Variants in MICAL3 observed in about 807,000 individuals in gnomAD.
MICAL3 encodes the protein [F-actin]-monooxygenase MICAL3.
MICAL3 carries 62 observed loss-of-function variants against 207.4 expected under a neutral mutation model. The observed-to-expected ratio is 0.30, with a 90% confidence interval of 0.24 to 0.37. MICAL3 has a LOEUF of 0.37. Among genes scored for constraint, MICAL3 ranks in the 10% least tolerant of loss-of-function variants. The pLI is 1.00. For missense variants in MICAL3, 2,368 were observed against 2,635.6 expected, an observed-to-expected ratio of 0.90 and a Z score of 2.22; for synonymous variants, 1,077 against 1,069.3, an observed-to-expected ratio of 1.01 and a Z score of -0.14.
chr22:17,826,448 G>A (rs529293927), intron 22 of MICAL3: 17 of 985,678 alleles, frequency 1.7e-5, no homozygotes, highest in Non-Finnish European at 2.0e-5. Context: ...AACATCACCA[G>A]ACTACCTCCG....
chr22:17,886,804 C>CAA (rs55867197), intron 15 of MICAL3, among the ~76,000 whole-genome samples: 8 of 96,712 alleles, frequency 8.3e-5, no homozygotes, highest in African/African-American at 1.1e-4. Flanking sequence ...GACTCTGTCT[C>CAA]AAAAAAAAAA....
Position 17,963,753 on chromosome 22 carries a change from C to A in MICAL3, c.-74-56867G>T, listed in dbSNP as rs374740183. The stretch of plus-strand genomic sequence containing the variant: ...CATGCTGATCCAGCCAGGAGGGTCG[C>A]TTCTGTGTCTCCTCCTACTCCACAC... On this transcript the variant is annotated intron_variant, in intron 1 of 31. Transcript: ENST00000441493. 2.1e-4 allele frequency among the ~76,000 whole-genome samples: 32 copies of A among 152,318 alleles called. No individual in the cohort carries two copies. The East Asian group carries it at 3.9e-3, about 18-fold the overall frequency.
chr22:17,933,559 GA>G (rs1268472014), intron 1 of MICAL3, among the ~76,000 whole-genome samples: 2 of 152,140 alleles, frequency 1.3e-5, no homozygotes, highest in Non-Finnish European at 1.5e-5. Flanking sequence ...ACAATTAAAA[GA>G]ACTAGAGAAG....
At chr22:18,010,797 A>C (rs532251117) in intron 1 of MICAL3, among the ~76,000 whole-genome samples, 1 of 152,172 alleles carries the variant, frequency 6.6e-6, no homozygotes, top group East Asian at 1.9e-4. Flanking sequence ...AGGTGAATAG[A>C]GGGATGGGTG....
At chr22:17,791,368 C>T (rs916759507) in intron 29 of MICAL3, 67 bp from the exon 30 acceptor site, 12 of 1,359,248 alleles carry the variant, frequency 8.8e-6, no homozygotes, top group South Asian at 3.7e-5. Context: ...AGGAATCACA[C>T]GGGGCAAATG....
chr22:17,921,618 A>G (rs1043815242), intron 1 of MICAL3, among the ~76,000 whole-genome samples: 1 of 152,096 alleles, frequency 6.6e-6, no homozygotes, highest in South Asian at 2.1e-4. Flanking sequence ...CCTCCCTAGT[A>G]GCTGGGATTA....
At chr22:17,844,251 AT>A (rs1483328937) in intron 19 of MICAL3, among the ~76,000 whole-genome samples, 2 of 152,202 alleles carry the variant, frequency 1.3e-5, no homozygotes, top group Admixed American at 6.5e-5. Flanking sequence ...TTCCTGCAAC[AT>A]TCTAAGCTCT....
At chr22:17,807,951 G>A (rs1601940416) in intron 29 of MICAL3, among the ~76,000 whole-genome samples, 1 of 152,258 alleles carries the variant, frequency 6.6e-6, no homozygotes, top group Non-Finnish European at 1.5e-5. Flanking sequence ...AGGCTATAAA[G>A]AGACGGAAGT....
chr22:17,814,405 G>T (rs2062080479), intron 27 of MICAL3: 1 of 152,166 alleles, frequency 6.6e-6, no homozygotes, highest in Non-Finnish European at 1.5e-5. Flanking sequence ...TAACAACTCA[G>T]ACATTTTCCT....
intron 1 of MICAL3, among the ~76,000 whole-genome samples, chr22:17,929,975 C>T (rs955952717): frequency 3.3e-5 from 5 of 152,098 alleles, no homozygotes; most frequent in South Asian, 2.1e-4. Context: ...TAAACCAATA[C>T]GGAAAAAAAC....
At chr22:17,870,556 T>C (rs897733138) in intron 17 of MICAL3, among the ~76,000 whole-genome samples, 18 of 152,170 alleles carry the variant, frequency 1.2e-4, no homozygotes, top group Non-Finnish European at 2.2e-4. Context: ...AGCTGCACCT[T>C]GCGACATCTT....
rs575661396 is a variant in MICAL3, at chr22:17,934,586, C to T, written c.-74-27700G>A. 2.8e-4 allele frequency among the ~76,000 whole-genome samples: 42 copies of T among 151,994 alleles called. 1 individual carries two copies. In the South Asian group the frequency reaches 8.8e-3, roughly 32 times the overall value. On this transcript the variant is annotated intron_variant, in intron 1 of 31. Coordinates refer to ENST00000441493, the MANE Select transcript of MICAL3 (RefSeq NM_015241.3). ...CCTCTCTCACCACTCCTATTCAACACAGTGTTGGAAGTTCTGGACAGGGCA... is the reference window on the plus strand; with the variant it reads ...CCTCTCTCACCACTCCTATTCAACATAGTGTTGGAAGTTCTGGACAGGGCA...
Position 17,872,721 on chromosome 22 carries a change from A to C in MICAL3, c.2242-698T>G. ...TCCCATGGCTGTGCTGGGTCTAGCTACACAGTGCCTGGAGGCGTCTCTTAC... is the reference window on the plus strand; with the variant it reads ...TCCCATGGCTGTGCTGGGTCTAGCTCCACAGTGCCTGGAGGCGTCTCTTAC... On this transcript the variant is annotated intron_variant, in intron 16 of 31. Transcript: ENST00000441493. The C allele has an allele frequency of 2.1e-6, 3 of 1,400,204 alleles. No individual in the cohort carries two copies. In the South Asian group the frequency reaches 3.5e-5, roughly 16 times the overall value. The allele number at this position is 1,400,204 out of a possible 1,614,324, so 86.7% of individuals were successfully genotyped here. A position where few individuals can be genotyped will look rare whatever the true frequency, so the allele number is the denominator to read the frequency against.
At chr22:17,996,534 G>A (rs1922297942) in intron 1 of MICAL3, among the ~76,000 whole-genome samples, 1 of 151,904 alleles carries the variant, frequency 6.6e-6, no homozygotes, top group Non-Finnish European at 1.5e-5. Context: ...TTTATAGCTA[G>A]AGATGACTAA....
chr22:17,893,831 G>T lies in MICAL3; in HGVS notation c.1523C>A (p.Thr508Asn), dbSNP rs995567850. 2 of 1,576,982 alleles carry T rather than the reference G, an allele frequency of 1.3e-6. No individual in the cohort carries two copies. Among genetic ancestry groups the T allele is most frequent in the Non-Finnish European group, 1.7e-6 (2 of 1,159,980 alleles). ...LEMESLVNSR[T>N]TPKLTRNESV... ...ACCATTGCGAGTCAATTTGGGGGTG[G>T]TTCGGGAATTCACCAGGCTCTCCAT... The change falls in exon 11 of 32, where the codon ACC (threonine) becomes AAC (asparagine). Residue 508 changes from threonine to asparagine, a missense_variant. Transcript: ENST00000441493.
At chr22:17,843,490 T>C (rs1405627351) in intron 19 of MICAL3, among the ~76,000 whole-genome samples, 1 of 151,986 alleles carries the variant, frequency 6.6e-6, no homozygotes, top group Non-Finnish European at 1.5e-5. Context: ...GGCTGAAGGG[T>C]CTTAGAAAAT....
At chr22:17,881,433 T>TCAGAGGGCAGCC (rs1168418179) in intron 16 of MICAL3, 2 of 710,394 alleles carry the variant, frequency 2.8e-6, no homozygotes, top group African/African-American at 1.8e-5. Flanking sequence ...CCCTCCATCC[T>TCAGAGGGCAGCC]CAGAGGGCAG....
chr22:17,852,631 T>C (rs1053181060), intron 19 of MICAL3, among the ~76,000 whole-genome samples: 1 of 152,196 alleles, frequency 6.6e-6, no homozygotes, highest in Non-Finnish European at 1.5e-5. Context: ...GGTACCCTCC[T>C]TTCCTCCAAA....
intron 25 of MICAL3, among the ~76,000 whole-genome samples, chr22:17,819,714 C>A (rs1487502421): frequency 6.6e-6 from 1 of 151,422 alleles, no homozygotes; most frequent in African/African-American, 2.4e-5. Flanking sequence ...ACGAAGTGGG[C>A]AGATCACGAG....
Sources: allele counts gnomAD v4.1 joint callset (sites outside exome capture counted in the v4.1 genomes callset), GRCh38; gene constraint gnomAD v4.1.1; transcripts MANE v1.5; gene names NCBI Gene and HGNC (gene_info 2026-07-23, HGNC 2026-07-21).